Variants in LCOR observed in about 807,000 individuals in gnomAD.
LCOR encodes the protein ligand dependent nuclear receptor corepressor, also known as ligand-dependent corepressor.
A neutral mutation model predicts 64.4 loss-of-function variants in LCOR; 14 were observed. The observed-to-expected ratio is 0.22, with a 90% CI of 0.14 to 0.34. The LOEUF (loss-of-function observed/expected upper bound fraction) is 0.34, where lower values mean the gene tolerates loss of function less well. Among genes scored for constraint, LCOR ranks in the 10% least tolerant of loss-of-function variants. LCOR has a pLI of 1.00. For synonymous variants in LCOR, 643 were observed against 642.5 expected (o/e 1.00, Z -0.01); for missense variants, 1,686 against 1,765.3 (o/e 0.96, Z 0.80).
At chr10:96,967,626 G>A (rs1324499130) in intron 7 of LCOR, among the ~76,000 whole-genome samples, 2 of 151,962 alleles carry the variant, frequency 1.3e-5, no homozygotes, top group African/African-American at 4.8e-5. Flanking sequence ...GTATCTGTAC[G>A]AACATTGGCA....
Position 96,984,776 on chromosome 10 carries a change from C to T in LCOR, c.4316C>T (p.Ala1439Val), listed in dbSNP as rs770203661. The T allele has an allele frequency of 3.1e-6, 5 of 1,613,688 alleles. No individual in the cohort carries two copies. The South Asian group carries it at 3.3e-5, about 11-fold the overall frequency. Residue 1439 changes from alanine to valine, a missense_variant, in exon 8 of 8, where the codon GCA (alanine) becomes GTA (valine). Physicochemically the swap from Ala to Val is moderately conservative, Grantham distance 64. Transcript: ENST00000421806. The stretch of plus-strand genomic sequence containing the variant: ...ACCCCTGCTGCCAAGAGGCCAGCTG[C>T]AAGGGACAGAAGCAGCCAACCCCCC... ...TKTPAAKRPA[A>V]RDRSSQPPKK...
intron 2 of LCOR, among the ~76,000 whole-genome samples, chr10:96,896,967 G>A (rs537285126): frequency 6.6e-6 from 1 of 151,754 alleles, no homozygotes; most frequent in East Asian, 1.9e-4. Context: ...TTCAACTATA[G>A]AAATTTCCAT....
rs1265263604 is a variant in LCOR at position 96,984,299 on chromosome 10, C to G, written c.3839C>G (p.Pro1280Arg). 6.2e-7 allele frequency: 1 copy of G among 1,614,114 alleles called. No individual in the cohort carries two copies. The highest frequency in any genetic ancestry group is 1.3e-5 in the African/African-American group (1 of 75,058). Residue 1280 changes from proline to arginine, a missense_variant, in exon 8 of 8, where the codon CCT (proline) becomes CGT (arginine). By Grantham distance (103) the Pro-to-Arg change is moderately radical (BLOSUM62 -2). Around this residue, in one of 3 missense-constraint regions of LCOR, gnomAD observed 1,293 missense variants for 1,410.4 expected, o/e 0.92. Coordinates refer to ENST00000421806, the MANE Select transcript of LCOR (RefSeq NM_001346516.2). ...GATGGCAGTGATGTCAGCCCCGGCC[C>G]TAATTCTGAAGACAGCATAGAGGAA... ...PEDGSDVSPG[P>R]NSEDSIEEVK...
At chr10:96,900,237 C>G (rs556922911) in intron 2 of LCOR, among the ~76,000 whole-genome samples, 88 of 152,068 alleles carry the variant, frequency 5.8e-4, no homozygotes, top group Middle Eastern at 3.4e-3. Flanking sequence ...GCTTATTCAT[C>G]CATATTATAA....
At chr10:96,867,831 T>C (rs1374254839) in intron 2 of LCOR, among the ~76,000 whole-genome samples, 1 of 152,102 alleles carries the variant, frequency 6.6e-6, no homozygotes, top group African/African-American at 2.4e-5. Flanking sequence ...ATTTTGTCTG[T>C]TTTTTCAAGA....
In LCOR at chr10:96,924,194, T is replaced by G. The variant is rs1158199717; in HGVS notation, c.-184+16447T>G. Among the ~76,000 whole-genome samples the G allele has an allele frequency of 2.0e-5, 3 of 152,182 alleles. No individual in the cohort carries two copies. The East Asian group carries it at 5.8e-4, about 29-fold the overall frequency. ...CTGGCTTGTGGGAGAAAAGTAGGGC[T>G]CCATCTTTGTCCACCTTACTTTTAT... On this transcript the variant is annotated intron_variant, in intron 4 of 7. Transcript: ENST00000421806.
chr10:96,906,647 A>AT (rs1309535577), intron 2 of LCOR, among the ~76,000 whole-genome samples: 2 of 151,800 alleles, frequency 1.3e-5, no homozygotes, highest in South Asian at 2.1e-4. Context: ...AGTATATTTG[A>AT]TTTTTTTCTC....
At chr10:96,915,775 C>T (rs909977397) in intron 4 of LCOR, 8 of 617,172 alleles carry the variant, frequency 1.3e-5, no homozygotes, top group African/African-American at 5.5e-5. Flanking sequence ...TTGCAGGGCC[C>T]TTTTGAAGCT....
At chr10:96,885,482 A>T (rs1165402557) in intron 2 of LCOR, among the ~76,000 whole-genome samples, 2 of 151,398 alleles carry the variant, frequency 1.3e-5, no homozygotes, top group African/African-American at 4.9e-5. Context: ...CCCAGGCCCT[A>T]GCGACCCTCC....
At chr10:96,916,618 A>ATATATATAT (rs1846954500) in intron 4 of LCOR, among the ~76,000 whole-genome samples, 4 of 130,266 alleles carry the variant, frequency 3.1e-5, no homozygotes, top group South Asian at 3.1e-4. Flanking sequence ...TATATATATG[A>ATATATATAT]TTATTTATTT....
chr10:96,990,725 C>T lies in LCOR; in HGVS notation c.*5591C>T, dbSNP rs1039366453. The T allele has an allele frequency of 2.0e-5, 3 of 152,352 alleles. No individual in the cohort carries two copies. Among genetic ancestry groups the T allele is most frequent in the Non-Finnish European group, 4.4e-5 (3 of 68,196 alleles). The allele number at this position is 152,352 out of a possible 1,614,324, so 9.4% of individuals were successfully genotyped here. On this transcript the variant is annotated 3_prime_UTR_variant, in exon 8 of 8. Coordinates refer to ENST00000421806, the MANE Select transcript of LCOR (RefSeq NM_001346516.2). ...TGAACCGAAGCTGCTCAGTTCCTTC[C>T]ACTTACCTCCTCTCTGTCTGATCTT... is the stretch of plus-strand genomic sequence containing the variant.
intron 7 of LCOR, chr10:96,957,696 A>G (rs534982767): frequency 3.0e-5 from 30 of 985,416 alleles, no homozygotes; most frequent in Non-Finnish European, 3.5e-5. Flanking sequence ...CTTTGGAGCA[A>G]TTAATTAAAT....
chr10:96,832,314 G>A lies in LCOR; in HGVS notation c.-489G>A. On this transcript the variant is annotated 5_prime_UTR_variant, in exon 1 of 8. The change creates a new upstream start codon in the 5' untranslated region. Coordinates refer to ENST00000421806, the MANE Select transcript of LCOR (RefSeq NM_001346516.2). ...GCGGGCGGCAGAAGATGGCGAGGGTGTGTAGGCGGCAGCAATGCTCCGTTG... is the reference window on the plus strand; with the variant it reads ...GCGGGCGGCAGAAGATGGCGAGGGTATGTAGGCGGCAGCAATGCTCCGTTG... 1 of 983,592 alleles carries A rather than the reference G, an allele frequency of 1.0e-6. No homozygotes were observed. The highest frequency in any genetic ancestry group is 1.2e-6 in the Non-Finnish European group (1 of 829,162). The allele number at this position is 983,592 out of a possible 1,614,324, so 60.9% of individuals were successfully genotyped here.
At chr10:96,879,812 G>A (rs1846231274) in intron 2 of LCOR, among the ~76,000 whole-genome samples, 1 of 152,058 alleles carries the variant, frequency 6.6e-6, no homozygotes, top group Non-Finnish European at 1.5e-5. Context: ...ACAGGCGTGC[G>A]CCACCATGCC....
chr10:96,863,758 G>A (rs762507446), intron 2 of LCOR, among the ~76,000 whole-genome samples: 3 of 152,120 alleles, frequency 2.0e-5, no homozygotes, highest in Admixed American at 6.5e-5. Context: ...TACCTTAGGC[G>A]TTTGCTAAAA....
At chr10:96,920,489 T>TATATGTGTATATATGTATGTATATTCAG (rs1847037614) in intron 4 of LCOR, among the ~76,000 whole-genome samples, 1 of 74,436 alleles carries the variant, frequency 1.3e-5, no homozygotes, top group African/African-American at 7.1e-5. Context: ...TGTATATTCA[T>TATATGTGTATATATGTATGTATATTCAG]ATATATGTGT....
chr10:96,916,308 G>T lies in LCOR; in HGVS notation c.-184+8561G>T, dbSNP rs535622544. 1.5e-3 allele frequency among the ~76,000 whole-genome samples: 228 copies of T among 152,196 alleles called. 1 individual carries two copies. Among genetic ancestry groups the T allele is most frequent in the Non-Finnish European group, 4.7e-4 (32 of 68,018 alleles). ...GGCCTCCCAAAGTGCTGGGATTACA[G>T]GCGTGAGCCACCACACCCGGCCCCC... On this transcript the variant is annotated intron_variant, in intron 4 of 7. Coordinates refer to ENST00000421806, the MANE Select transcript of LCOR (RefSeq NM_001346516.2).
chr10:96,984,677 G>A lies in LCOR; in HGVS notation c.4217G>A (p.Ser1406Asn). ...QSKRKRTEGS[S>N]PPDSKNKGPT... is the part of the protein sequence containing the mutation. ...AAACGCAAGAGAACAGAAGGCAGCA[G>A]CCCTCCAGATAGTAAGAACAAGGGG... Residue 1406 changes from serine (S) to asparagine (N), a missense_variant, in exon 8 of 8, where the codon AGC (serine) becomes AAC (asparagine). Transcript: ENST00000421806. 6.2e-7 allele frequency: 1 copy of A among 1,614,118 alleles called. No individual in the cohort carries two copies.
chr10:96,834,283 C>G (rs1013955999), intron 2 of LCOR, among the ~76,000 whole-genome samples: 1 of 152,160 alleles, frequency 6.6e-6, no homozygotes, highest in African/African-American at 2.4e-5. Flanking sequence ...TATGCTTGTG[C>G]AAATAATAAA....
Sources: gnomAD v4.1 joint callset for allele counts (sites outside exome capture counted in the v4.1 genomes callset) on GRCh38, gnomAD v4.1.1 for gene constraint, gnomAD v4.1.1 regional missense constraint, MANE v1.5 for transcripts, NCBI Gene and HGNC (gene_info 2026-07-23, HGNC 2026-07-21) for gene names.